The following SAMHD1 variants were observed in gnomAD, a reference collection of about 807,000 sequenced individuals.
The protein encoded by SAMHD1 is deoxynucleoside triphosphate triphosphohydrolase SAMHD1.
A neutral mutation model predicts 79.6 loss-of-function variants in SAMHD1; 54 were observed. The ratio of observed to expected loss-of-function variants is 0.68; its 90% CI spans 0.55 to 0.85. The LOEUF is 0.85. Among genes scored for constraint, SAMHD1 ranks in the 40% least tolerant of loss-of-function variants. SAMHD1 has a pLI of 0.00. For synonymous variants in SAMHD1, 260 were observed against 264.1 expected (o/e 0.98, Z 0.15); for missense variants, 663 against 782.7 (o/e 0.85, Z 1.82).
At position 36,916,829 on chromosome 20, in the gene SAMHD1, C is replaced by T; in HGVS notation, c.955G>A (p.Asp319Asn). The stretch of plus-strand genomic sequence containing the variant: ...TTTTGGATTCCAAGATGATGGCAGT[C>T]CCTAGAAGGATTCCAAAACAGAGAG... Reference protein sequence around the residue: ...DVDKWDYFARDCHHLGIQNNF... With the variant: ...DVDKWDYFARNCHHLGIQNNF... The change falls in exon 9 of 16, where the codon GAC becomes AAC. Residue 319 changes from aspartate to asparagine, a missense_variant and splice_region_variant. Coordinates refer to ENST00000646673, the MANE Select transcript of SAMHD1 (RefSeq NM_015474.4). The T allele has an allele frequency of 1.7e-5, 27 of 1,613,148 alleles. No individual in the cohort carries two copies. Among genetic ancestry groups the T allele is most frequent in the Non-Finnish European group, 2.3e-5 (27 of 1,179,176 alleles).
At chr20:36,898,910 C>CAAAAAAAAA (rs57902699) in intron 13 of SAMHD1, among the ~76,000 whole-genome samples, 6 of 69,384 alleles carry the variant, frequency 8.6e-5, no homozygotes, top group Non-Finnish European at 1.2e-4. Flanking sequence ...GACTCTGACT[C>CAAAAAAAAA]AAAAAAAAAA....
intron 1 of SAMHD1, among the ~76,000 whole-genome samples, chr20:36,947,731 G>A (rs987301278): frequency 1.3e-5 from 2 of 151,966 alleles, no homozygotes; most frequent in Non-Finnish European, 2.9e-5. Flanking sequence ...GCAGTGGTGC[G>A]ATCACATCTC....
At chr20:36,934,740 C>CACCA in intron 4 of SAMHD1, 1 of 335,110 alleles carries the variant, frequency 3.0e-6, no homozygotes, top group Non-Finnish European at 5.8e-6. Context: ...TCACTGCAAC[C>CACCA]ACCAACCTCC....
At chr20:36,906,068 T>C (rs2063403571) in intron 11 of SAMHD1, among the ~76,000 whole-genome samples, 1 of 151,868 alleles carries the variant, frequency 6.6e-6, no homozygotes, top group Non-Finnish European at 1.5e-5. Flanking sequence ...TGCATTGGAG[T>C]TGATGACTGC....
chr20:36,924,028 T>C (rs992026185), intron 6 of SAMHD1, among the ~76,000 whole-genome samples: 10 of 152,136 alleles, frequency 6.6e-5, no homozygotes, highest in African/African-American at 1.9e-4. Flanking sequence ...GCGGGGCAGA[T>C]AGCTTGAGCT....
chr20:36,911,403 G>T, intron 10 of SAMHD1, 70 bp from the exon 11 acceptor site: 1 of 940,522 alleles, frequency 1.1e-6, no homozygotes, highest in South Asian at 1.3e-5. Flanking sequence ...CTTACTTAAG[G>T]AAATCTTTCT....
chr20:36,893,806 C>T (rs1990139698), intron 15 of SAMHD1: 3 of 398,118 alleles, frequency 7.5e-6, no homozygotes, highest in Non-Finnish European at 1.3e-5. Context: ...GCTCTCAGAT[C>T]CATTCTTCAC....
chr20:36,934,805 C>T (rs528963314), intron 4 of SAMHD1: 70 of 443,262 alleles, frequency 1.6e-4, no homozygotes, highest in East Asian at 1.2e-3. Flanking sequence ...ATTACAGGTG[C>T]GCACAATCAT....
At chr20:36,909,631 A>G (rs957853483) in intron 11 of SAMHD1, among the ~76,000 whole-genome samples, 10 of 142,630 alleles carry the variant, frequency 7.0e-5, no homozygotes, top group African/African-American at 2.2e-4. Context: ...AGATCGTGCC[A>G]TTGCATTACA....
rs1568759014 is a variant in SAMHD1 at position 36,897,839 on chromosome 20, TTC to T, written c.1727_1728del (p.Arg576LysfsTer46). ...RQYFVQWCAD[R>X]NFTKPQDGDV... ...CCACCTACCTGCGGCTTGGTGAAAT[TTC>T]TGTCTGCACACCACTGAACAAAATA... is the stretch of plus-strand genomic sequence containing the variant. On this transcript the variant is annotated frameshift_variant, in exon 15 of 16. Transcript: ENST00000646673. LOFTEE classifies it low-confidence loss of function (END_TRUNC). The T allele has an allele frequency of 6.2e-7, 1 of 1,614,062 alleles. No homozygotes were observed. Among genetic ancestry groups the T allele is most frequent in the Non-Finnish European group, 8.5e-7 (1 of 1,180,036 alleles).
intron 1 of SAMHD1, among the ~76,000 whole-genome samples, chr20:36,947,594 TTGG>T (rs2063702601): frequency 4.2e-5 from 6 of 141,976 alleles, no homozygotes; most frequent in South Asian, 2.2e-4. Flanking sequence ...GTGTGTGTTG[TTGG>T]GTTTTTTCCT....
chr20:36,893,908 AGTGGGAGGCTCTG>A lies in SAMHD1; in HGVS notation c.1747-855_1747-843del, dbSNP rs533937762. 5.8e-5 allele frequency: 23 copies of A among 398,606 alleles called. No homozygotes were observed. The South Asian group carries it at 2.7e-3, about 46-fold the overall frequency. 24.7% of individuals were successfully genotyped at this position (398,606 alleles called of 1,614,324 possible). A position where few individuals can be genotyped will look rare whatever the true frequency, so the allele number is the denominator to read the frequency against. ...TGTTGGTTTCCAGTTAGATTTGGTC[AGTGGGAGGCTCTG>A]GTGGGAGACTGGAGGTGAGAAGAGG... On this transcript the variant is annotated intron_variant, in intron 15 of 15. Coordinates refer to ENST00000646673, the MANE Select transcript of SAMHD1 (RefSeq NM_015474.4).
Position 36,912,599 on chromosome 20 carries a change from A to C in SAMHD1, c.1063-47T>G, listed in dbSNP as rs529586447. 2.3e-6 allele frequency: 3 copies of C among 1,322,510 alleles called. No individual in the cohort carries two copies. The Admixed American group carries it at 5.1e-5, about 23-fold the overall frequency. 81.9% of individuals were successfully genotyped at this position (1,322,510 alleles called of 1,614,324 possible). A position where few individuals can be genotyped will look rare whatever the true frequency, so the allele number is the denominator to read the frequency against. On this transcript the variant is annotated intron_variant, in intron 9 of 15. Coordinates refer to ENST00000646673, the MANE Select transcript of SAMHD1 (RefSeq NM_015474.4). ...ATATTAATAGGATCAGATTATGTTAACGTTATTAGAGACAAGTATATAGGA... is the reference window on the plus strand; with the variant it reads ...ATATTAATAGGATCAGATTATGTTACCGTTATTAGAGACAAGTATATAGGA...
Position 36,892,935 on chromosome 20 carries a change from C to T in SAMHD1, c.1878G>A (p.Met626Ile). 2 of 1,613,894 alleles carry T rather than the reference C, an allele frequency of 1.2e-6. No individual in the cohort carries two copies. Among genetic ancestry groups the T allele is most frequent in the African/African-American group, 1.3e-5 (1 of 74,928 alleles). The change falls in exon 16 of 16, where the codon ATG becomes ATA. Residue 626 changes from methionine to isoleucine, a missense_variant. Physicochemically the swap from Met to Ile is conservative, Grantham distance 10. Coordinates refer to ENST00000646673, the MANE Select transcript of SAMHD1 (RefSeq NM_015474.4). ...GTAAACAACTGACTACAGACATTCA[C>T]ATTGGGTCATCTTTAAAAAGCTGGA... ...SRVQLFKDDP[M>I]
chr20:36,924,271 A>AGGGAAGG (rs2063523341), intron 6 of SAMHD1, among the ~76,000 whole-genome samples: 2 of 135,508 alleles, frequency 1.5e-5, no homozygotes, highest in Admixed American at 1.5e-4. Flanking sequence ...AGGGGAAAGG[A>AGGGAAGG]GGGAAGGGGG....
chr20:36,927,270 C>A lies in SAMHD1; in HGVS notation c.626-18G>T, dbSNP rs2063542577. The stretch of plus-strand genomic sequence containing the variant: ...CCCATGACCTTAAAAACAAAAGCAG[C>A]CTTAGAACAAGAAAAACATCTGTAA... On this transcript the variant is annotated intron_variant, in intron 5 of 15. Coordinates refer to ENST00000646673, the MANE Select transcript of SAMHD1 (RefSeq NM_015474.4). 6.2e-7 allele frequency: 1 copy of A among 1,608,378 alleles called. No homozygotes were observed. Among genetic ancestry groups the A allele is most frequent in the Admixed American group, 1.7e-5 (1 of 59,904 alleles).
Position 36,941,102 on chromosome 20 carries a change from C to G in SAMHD1, c.285G>C (p.Gly95=). Residue 95 remains glycine (G), a synonymous_variant, in exon 3 of 16, where the codon GGG becomes GGC. Coordinates refer to ENST00000646673, the MANE Select transcript of SAMHD1 (RefSeq NM_015474.4). ...TATAACTAAGCAGCTTCTTCCTCTC[C>G]CCCAAGGAACTAAAATTACAATAGG... ...RFENLGVSSL[G]ERKKLLSYIQ... 6.2e-7 allele frequency: 1 copy of G among 1,610,872 alleles called. No homozygotes were observed. Among genetic ancestry groups the G allele is most frequent in the Non-Finnish European group, 8.5e-7 (1 of 1,177,316 alleles).
chr20:36,949,721 C>A (rs868082233), intron 1 of SAMHD1, among the ~76,000 whole-genome samples: 12 of 137,486 alleles, frequency 8.7e-5, no homozygotes, highest in Admixed American at 7.9e-4. Context: ...GGCGCCACTG[C>A]ACTCCAGCCT....
At chr20:36,905,330 C>A in intron 12 of SAMHD1, 34 bp downstream of exon 12, 1 of 1,611,582 alleles carries the variant, frequency 6.2e-7, no homozygotes, top group Non-Finnish European at 8.5e-7. Flanking sequence ...ACAGAGATAA[C>A]CTTTCACTAA....
Sources: gnomAD v4.1 joint callset for allele counts (sites outside exome capture counted in the v4.1 genomes callset) on GRCh38, gnomAD v4.1.1 for gene constraint, MANE v1.5 for transcripts, NCBI Gene and HGNC (gene_info 2026-07-23, HGNC 2026-07-21) for gene names.